Variants in METTL13 observed in about 807,000 individuals in gnomAD.
The protein encoded by METTL13 is methyltransferase 13, eEF1A N-terminus and K55, also known as eEF1A lysine and N-terminal methyltransferase.
A neutral mutation model predicts 67.4 loss-of-function variants in METTL13; 52 were observed. That is an observed-to-expected ratio of 0.77 (90% CI 0.62 to 0.97). The LOEUF (loss-of-function observed/expected upper bound fraction) is 0.97. Among genes scored for constraint, METTL13 ranks in the 50% least tolerant of loss-of-function variants. The probability of loss-of-function intolerance (pLI) is 0.00; values close to 1 mark genes in which losing one functional copy is unlikely to be tolerated. For missense variants in METTL13, 825 were observed against 889.6 expected, an observed-to-expected ratio of 0.93 and a Z score of 0.92; for synonymous variants, 354 against 353.6, an observed-to-expected ratio of 1.00 and a Z score of -0.01.
At chr1:171,795,907 AT>A (rs1256273886) in intron 7 of METTL13, among the ~76,000 whole-genome samples, 1 of 152,084 alleles carries the variant, frequency 6.6e-6, no homozygotes, top group East Asian at 1.9e-4. Context: ...CCCAGGCTGG[AT>A]TTTGGCTCAC....
intron 2 of METTL13, 64 bp from the exon 3 acceptor site, chr1:171,785,815 G>A (rs1422446213): frequency 1.3e-6 from 2 of 1,550,756 alleles, no homozygotes; most frequent in East Asian, 2.3e-5. Context: ...CTGCCGTTTG[G>A]GCCATATTGG....
chr1:171,790,453 C>A lies in METTL13; in HGVS notation c.1311C>A (p.Ala437=). ...ARLLKDVSHK[A]QKKRKKDRKK... ...TAGGGCTTCATATCTCTTGTTTAGC[C>A]CAGAAGAAGCGGAAAAAGGACAGGA... Residue 437 remains alanine (A), a splice_region_variant and synonymous_variant, in exon 5 of 8, where the codon GCC becomes GCA. Transcript: ENST00000361735. 6.3e-7 allele frequency: 1 copy of A among 1,590,242 alleles called. No homozygotes were observed.
chr1:171,784,623 G>A (rs1460900216), intron 2 of METTL13, 124 bp downstream of exon 2: 2 of 1,253,130 alleles, frequency 1.6e-6, no homozygotes, highest in Admixed American at 3.5e-5. Context: ...TTTTTGTCTT[G>A]CAGGGGTTTG....
At position 171,783,742 on chromosome 1, in the gene METTL13, G is replaced by A; in HGVS notation, c.156G>A (p.Val52=). 1 of 1,599,944 alleles carries A rather than the reference G, an allele frequency of 6.3e-7. No homozygotes were observed. Among genetic ancestry groups the A allele is most frequent in the East Asian group, 2.2e-5 (1 of 44,732 alleles). The change falls in exon 2 of 8, where the codon GTG becomes GTA. Residue 52 remains valine, a splice_region_variant and synonymous_variant. Coordinates refer to ENST00000361735, the MANE Select transcript of METTL13 (RefSeq NM_015935.5). ...LHKYIKPREK[V]LVIGCGNSEL... Reference sequence around the variant, plus strand: ...TTGTCTGTGAATTTTTTCTCCAGGTGCTGGTGATTGGGTGTGGCAACTCAG... The same window carrying A: ...TTGTCTGTGAATTTTTTCTCCAGGTACTGGTGATTGGGTGTGGCAACTCAG...
In METTL13 at chr1:171,787,795, A is replaced by G; in HGVS notation, c.1174A>G (p.Ser392Gly). The G allele has an allele frequency of 6.2e-7, 1 of 1,614,198 alleles. No homozygotes were observed. The highest frequency in any genetic ancestry group is 8.5e-7 in the Non-Finnish European group (1 of 1,180,030). ...CCGGACCGTTCAGCACCAAGACTGC[A>G]GCCCCTTGAGCGGTGACTATGTCAT... ...GVRTVQHQDC[S>G]PLSGDYVIED... The change falls in exon 4 of 8, where the codon AGC (serine) becomes GGC (glycine). Residue 392 changes from serine to glycine, a missense_variant. Physicochemically the swap from Ser to Gly is moderately conservative, Grantham distance 56. Coordinates refer to ENST00000361735, the MANE Select transcript of METTL13 (RefSeq NM_015935.5).
intron 7 of METTL13, among the ~76,000 whole-genome samples, chr1:171,795,064 G>A (rs535982343): frequency 2.0e-5 from 3 of 152,194 alleles, no homozygotes; most frequent in East Asian, 3.9e-4. Context: ...AGCCTCAAGC[G>A]ATCCTCCTAC....
At position 171,784,241 on chromosome 1, in the gene METTL13, G is replaced by C. The variant is rs773923048; in HGVS notation, c.655G>C (p.Ala219Pro). The change falls in exon 2 of 8, where the codon GCC becomes CCC. Residue 219 changes from alanine (A) to proline (P), a missense_variant. Coordinates refer to ENST00000361735, the MANE Select transcript of METTL13 (RefSeq NM_015935.5). ...CAAGTTCAGGCCAGTCCCTGGCTCTGCCCTTCAGATCTTTGAGCTGTGTGC... is the reference window on the plus strand; with the variant it reads ...CAAGTTCAGGCCAGTCCCTGGCTCTCCCCTTCAGATCTTTGAGCTGTGTGC... ...MTKFRPVPGS[A>P]LQIFELCAQE... is the part of the protein sequence containing the mutation. 1.9e-6 allele frequency: 3 copies of C among 1,613,950 alleles called. No individual in the cohort carries two copies. Among genetic ancestry groups the C allele is most frequent in the Non-Finnish European group, 2.5e-6 (3 of 1,180,054 alleles).
chr1:171,792,838 C>T (rs958062933), intron 6 of METTL13, among the ~76,000 whole-genome samples: 2 of 152,122 alleles, frequency 1.3e-5, no homozygotes, highest in African/African-American at 4.8e-5. Context: ...CCAGAATTTC[C>T]ACAGTGCTCA....
rs559392307 is a variant in METTL13, at chr1:171,783,970, G to C, written c.384G>C (p.Leu128=). Residue 128 remains leucine (L), a synonymous_variant, in exon 2 of 8, where the codon CTG becomes CTC. Transcript: ENST00000361735. Reference sequence around the variant, plus strand: ...ACAAGGGCACCCTGGATGCTGTCCTGACAGATGAGGAAGAGAAGACCTTAC... The same window carrying C: ...ACAAGGGCACCCTGGATGCTGTCCTCACAGATGAGGAAGAGAAGACCTTAC... ...VLDKGTLDAV[L]TDEEEKTLQQ... The C allele has an allele frequency of 2.5e-5, 40 of 1,614,250 alleles. No individual in the cohort carries two copies. Among genetic ancestry groups the C allele is most frequent in the Non-Finnish European group, 3.1e-5 (37 of 1,180,048 alleles).
chr1:171,792,756 C>T (rs780258055), intron 6 of METTL13, among the ~76,000 whole-genome samples: 3 of 152,068 alleles, frequency 2.0e-5, no homozygotes, highest in Non-Finnish European at 4.4e-5. Flanking sequence ...GACATCTAAA[C>T]GGTAGAGGTC....
At chr1:171,796,362 C>T (rs1010389431) in intron 7 of METTL13, 120 bp from the exon 8 acceptor site, 11 of 1,189,952 alleles carry the variant, frequency 9.2e-6, no homozygotes, top group East Asian at 4.7e-5. Context: ...TCATCACCAC[C>T]GTGTGTTTTA....
rs1419214686 is a variant in METTL13, at chr1:171,796,792, C to T, written c.*36C>T. The T allele has an allele frequency of 1.5e-5, 24 of 1,596,868 alleles. No homozygotes were observed. Among genetic ancestry groups the T allele is most frequent in the Non-Finnish European group, 2.1e-5 (24 of 1,170,444 alleles). On this transcript the variant is annotated 3_prime_UTR_variant, in exon 8 of 8. Coordinates refer to ENST00000361735, the MANE Select transcript of METTL13 (RefSeq NM_015935.5). ...CAAGCAGCCCTCCTGCCTAGACTGA[C>T]CTTGGACTCCCAGCCTGCCAGAGAA...
chr1:171,790,427 A>C (rs965875255), intron 4 of METTL13, 25 bp from the exon 5 acceptor site: 2 of 1,562,652 alleles, frequency 1.3e-6, no homozygotes, highest in South Asian at 2.5e-5. Context: ...TGTACTAAGC[A>C]TAGGGCTTCA....
At chr1:171,788,593 C>G (rs1336885118) in intron 4 of METTL13, among the ~76,000 whole-genome samples, 2 of 152,052 alleles carry the variant, frequency 1.3e-5, no homozygotes, top group African/African-American at 4.8e-5. Context: ...TAAGTGGTCT[C>G]CCAGCTGTCA....
intron 6 of METTL13, 63 bp downstream of exon 6, chr1:171,792,298 G>T (rs765972144): frequency 4.7e-5 from 73 of 1,562,530 alleles, no homozygotes; most frequent in Non-Finnish European, 6.0e-5. Flanking sequence ...TGTCAGGCCC[G>T]CAAGGGCCTC....
chr1:171,791,690 C>CGG (rs1308929454), intron 5 of METTL13, among the ~76,000 whole-genome samples: 4 of 152,144 alleles, frequency 2.6e-5, no homozygotes, highest in African/African-American at 9.7e-5. Flanking sequence ...TCTCGAACTC[C>CGG]TGAGCTCAAG....
rs2124909505 is a variant in METTL13 at position 171,797,607 on chromosome 1, C to CT, written c.*852dup. ...GTTTACATGCACTGTCTCATTTAATCTGAGATAAAGGATACTTAAGCCCAA... is the reference window on the plus strand; with the variant it reads ...GTTTACATGCACTGTCTCATTTAATCTTGAGATAAAGGATACTTAAGCCCAA... On this transcript the variant is annotated 3_prime_UTR_variant, in exon 8 of 8. Transcript: ENST00000361735. The CT allele has an allele frequency of 6.6e-6, 1 of 152,322 alleles. No homozygotes were observed. The highest frequency in any genetic ancestry group is 2.1e-4 in the South Asian group (1 of 4,826). 9.4% of individuals were successfully genotyped at this position (152,322 alleles called of 1,614,324 possible). A position where few individuals can be genotyped will look rare whatever the true frequency, so the allele number is the denominator to read the frequency against.
chr1:171,796,109 C>T (rs755251366), intron 7 of METTL13, among the ~76,000 whole-genome samples: 1 of 152,088 alleles, frequency 6.6e-6, no homozygotes, highest in Non-Finnish European at 1.5e-5. Context: ...TCGAGTGATC[C>T]GCCTGCCTCA....
rs558592356 is a variant in METTL13, at chr1:171,789,176, C to T, written c.1309+1246C>T. On this transcript the variant is annotated intron_variant, in intron 4 of 7. Coordinates refer to ENST00000361735, the MANE Select transcript of METTL13 (RefSeq NM_015935.5). ...TTGTTCTCATGGAAAGAACGTTCTC[C>T]CTCATGGGAGTATTGGTGAGCAAGA... Among the ~76,000 whole-genome samples, 9 of 152,210 alleles carry T rather than the reference C, an allele frequency of 5.9e-5. No individual in the cohort carries two copies. In the South Asian group the frequency reaches 1.9e-3, roughly 32 times the overall value.
Sources: gnomAD v4.1 joint callset for allele counts (sites outside exome capture counted in the v4.1 genomes callset) on GRCh38, gnomAD v4.1.1 for gene constraint, MANE v1.5 for transcripts, NCBI Gene and HGNC (gene_info 2026-07-23, HGNC 2026-07-21) for gene names.